Variants in COBL observed in about 807,000 individuals in gnomAD.
COBL encodes the protein protein cordon-bleu.
Under a neutral mutation model 98.8 loss-of-function variants are expected in COBL, and 51 were observed. That is an observed-to-expected ratio of 0.52 (90% CI 0.41 to 0.65). The LOEUF is 0.65. Among genes scored for constraint, COBL ranks in the 30% least tolerant of loss-of-function variants. COBL has a pLI of 0.00. For missense variants in COBL, 1,617 were observed against 1,617.5 expected, an observed-to-expected ratio of 1.00 and a Z score of 0.01; for synonymous variants, 634 against 651.7, an observed-to-expected ratio of 0.97 and a Z score of 0.41.
intron 2 of COBL, among the ~76,000 whole-genome samples, chr7:51,209,046 TA>T (rs572689062): frequency 0.015 from 642 of 43,414 alleles, 3 homozygotes; most frequent in African/African-American, 0.046. Flanking sequence ...AATGATCAAT[TA>T]AAAAAAAAAA....
intron 5 of COBL, among the ~76,000 whole-genome samples, chr7:51,168,092 C>T (rs115851445): frequency 5.3e-5 from 8 of 151,360 alleles, no homozygotes; most frequent in East Asian, 3.9e-4. Context: ...AGCTTCTACA[C>T]GGCAAAGGAA....
intron 6 of COBL, among the ~76,000 whole-genome samples, chr7:51,133,458 G>A (rs938877452): frequency 6.6e-6 from 1 of 152,194 alleles, no homozygotes; most frequent in African/African-American, 2.4e-5. Context: ...TGAAGGGGTG[G>A]TTCTCAAAGT....
At chr7:51,290,871 G>A (rs1050094294) in intron 1 of COBL, among the ~76,000 whole-genome samples, 1 of 152,096 alleles carries the variant, frequency 6.6e-6, no homozygotes, top group African/African-American at 2.4e-5. Context: ...GCCTCCCCAG[G>A]TGTGTGCCCT....
intron 1 of COBL, among the ~76,000 whole-genome samples, chr7:51,272,064 T>C (rs1008463894): frequency 6.6e-6 from 1 of 152,120 alleles, no homozygotes; most frequent in African/African-American, 2.4e-5. Flanking sequence ...ACTGAAACAA[T>C]GAATTCTGGA....
At chr7:51,250,910 T>C (rs1259143796) in intron 1 of COBL, among the ~76,000 whole-genome samples, 4 of 152,176 alleles carry the variant, frequency 2.6e-5, no homozygotes, top group Non-Finnish European at 5.9e-5. Context: ...CTCAGCCACA[T>C]CAAAGAATTG....
chr7:51,258,922 G>A (rs542286765), intron 1 of COBL, among the ~76,000 whole-genome samples: 48 of 152,080 alleles, frequency 3.2e-4, no homozygotes, highest in African/African-American at 9.9e-4. Context: ...GGCATTCATC[G>A]CTCCCAGAAG....
intron 5 of COBL, 99 bp from the exon 6 acceptor site, chr7:51,136,430 A>C (rs572270232): frequency 2.4e-6 from 3 of 1,258,116 alleles, no homozygotes; most frequent in Non-Finnish European, 3.2e-6. Context: ...CGTCCACCTG[A>C]GCTTGAACGG....
chr7:51,122,585 T>A (rs1797837348), intron 6 of COBL, among the ~76,000 whole-genome samples: 2 of 152,266 alleles, frequency 1.3e-5, no homozygotes, highest in South Asian at 2.1e-4. Flanking sequence ...CTTGGCTGTT[T>A]ATTACAAAAT....
At chr7:51,069,209 G>A (rs1792265556) in intron 7 of COBL, among the ~76,000 whole-genome samples, 1 of 152,178 alleles carries the variant, frequency 6.6e-6, no homozygotes, top group South Asian at 2.1e-4. Flanking sequence ...AGAGAGAAGG[G>A]CCAAGCGAAG....
At chr7:51,153,954 A>T (rs1180687445) in intron 5 of COBL, among the ~76,000 whole-genome samples, 6 of 152,066 alleles carry the variant, frequency 3.9e-5, no homozygotes, top group Admixed American at 3.9e-4. Flanking sequence ...GCCTGTAGAG[A>T]CCTCACAGAT....
intron 10 of COBL, among the ~76,000 whole-genome samples, chr7:51,027,283 C>T (rs796512184): frequency 6.6e-6 from 1 of 152,252 alleles, no homozygotes; most frequent in Admixed American, 6.5e-5. Flanking sequence ...ACAATTACTC[C>T]TGTGTTACTG....
At chr7:51,303,243 G>C (rs1052987792) in intron 1 of COBL, among the ~76,000 whole-genome samples, 3 of 152,096 alleles carry the variant, frequency 2.0e-5, no homozygotes, top group Admixed American at 6.5e-5. Flanking sequence ...ATCGAATGTG[G>C]ACAGGAAAGC....
chr7:51,142,050 G>A (rs1027155763), intron 5 of COBL, among the ~76,000 whole-genome samples: 1 of 152,142 alleles, frequency 6.6e-6, no homozygotes, highest in African/African-American at 2.4e-5. Flanking sequence ...ATCCTGCACT[G>A]ATTCCGAGGA....
Position 51,281,960 on chromosome 7 carries a change from T to A in COBL, c.41+34633A>T, listed in dbSNP as rs114010219. Among the ~76,000 whole-genome samples, 721 of 152,230 alleles carry A rather than the reference T, an allele frequency of 4.7e-3. 4 individuals are homozygous for A. Among genetic ancestry groups the A allele is most frequent in the African/African-American group, 0.016 (670 of 41,566 alleles). On this transcript the variant is annotated intron_variant, in intron 1 of 12. Transcript: ENST00000265136. The stretch of plus-strand genomic sequence containing the variant: ...ATGTAATAGTAAGTTATACTCCACA[T>A]AAATGGTAAAATACTGATTCTAAGG...
intron 1 of COBL, among the ~76,000 whole-genome samples, chr7:51,266,719 C>T (rs764351354): frequency 7.2e-5 from 11 of 152,128 alleles, no homozygotes; most frequent in African/African-American, 9.7e-5. Flanking sequence ...CACAAATGGA[C>T]GGAAGGAAAG....
At chr7:51,282,820 A>T (rs958459930) in intron 1 of COBL, among the ~76,000 whole-genome samples, 3 of 146,686 alleles carry the variant, frequency 2.0e-5, no homozygotes, top group East Asian at 2.0e-4. Flanking sequence ...TACCAAATAT[A>T]AAAAAAAAAA....
chr7:51,273,657 CA>C (rs1799003720), intron 1 of COBL, among the ~76,000 whole-genome samples: 1 of 152,140 alleles, frequency 6.6e-6, no homozygotes, highest in African/African-American at 2.4e-5. Flanking sequence ...ACATCTGCAG[CA>C]TATTTATAGC....
chr7:51,303,132 C>T lies in COBL; in HGVS notation c.41+13461G>A, dbSNP rs1430857063. On this transcript the variant is annotated intron_variant, in intron 1 of 12. Transcript: ENST00000265136. ...TCCCCGAGCCTCATGACAAAGTTAA[C>T]ACAATAGATCATACTTTCAGATTTA... is the stretch of plus-strand genomic sequence containing the variant. Among the ~76,000 whole-genome samples the T allele has an allele frequency of 3.3e-5, 5 of 152,320 alleles. No homozygotes were observed. The East Asian group carries it at 9.6e-4, about 29-fold the overall frequency.
intron 1 of COBL, among the ~76,000 whole-genome samples, chr7:51,311,611 T>A (rs560526709): frequency 2.8e-4 from 43 of 152,194 alleles, no homozygotes; most frequent in Non-Finnish European, 5.4e-4. Context: ...GAAAGAAAAG[T>A]GACGTAGGCT....
Sources: allele counts gnomAD v4.1 joint callset (sites outside exome capture counted in the v4.1 genomes callset), GRCh38; gene constraint gnomAD v4.1.1; transcripts MANE v1.5; gene names NCBI Gene and HGNC (gene_info 2026-07-23, HGNC 2026-07-21).